Variants in RADIL observed in about 807,000 individuals in gnomAD.
RADIL encodes the protein Rap associating with DIL domain.
RADIL carries 99 observed loss-of-function variants against 97.6 expected under a neutral mutation model. The observed-to-expected ratio is 1.01, with a 90% confidence interval of 0.86 to 1.20. The LOEUF (loss-of-function observed/expected upper bound fraction) is 1.20, where lower values mean the gene tolerates loss of function less well. RADIL is among the 50% of genes most tolerant of loss of function. RADIL has a pLI of 0.00. For missense variants in RADIL, 1,765 were observed against 1,498.9 expected, an observed-to-expected ratio of 1.18 and a Z score of -2.93; for synonymous variants, 803 against 691.8, an observed-to-expected ratio of 1.16 and a Z score of -2.52.
chr7:4,873,852 C>T lies in RADIL; in HGVS notation c.535+3753G>A, dbSNP rs1048441454. ...GGGTGTTAGGAAAGCCTCCCCACCACGATTCTTCCACGTCACTCCAACCTG... is the reference window on the plus strand; with the variant it reads ...GGGTGTTAGGAAAGCCTCCCCACCATGATTCTTCCACGTCACTCCAACCTG... On this transcript the variant is annotated intron_variant, in intron 2 of 14. Coordinates refer to ENST00000399583, the MANE Select transcript of RADIL (RefSeq NM_018059.5). This position sits in a 1 kb window ranked among gnomAD's most constrained non-coding sequence, Gnocchi z 4.3. Among the ~76,000 whole-genome samples, 2 of 152,336 alleles carry T rather than the reference C, an allele frequency of 1.3e-5. No individual in the cohort carries two copies. The highest frequency in any genetic ancestry group is 4.8e-5 in the African/African-American group (2 of 41,584).
At chr7:4,828,982 G>A (rs1462622153) in intron 5 of RADIL, among the ~76,000 whole-genome samples, 2 of 152,170 alleles carry the variant, frequency 1.3e-5, no homozygotes, top group Admixed American at 6.5e-5. Context: ...GCACTTAGGA[G>A]GATGAGGGCT....
intron 2 of RADIL, among the ~76,000 whole-genome samples, chr7:4,838,837 C>T (rs1354727451): frequency 1.3e-5 from 2 of 152,264 alleles, no homozygotes; most frequent in African/African-American, 4.8e-5. Context: ...CCAATACTGG[C>T]ACAGCCGTGG....
chr7:4,804,955 G>A (rs556797249), intron 10 of RADIL, among the ~76,000 whole-genome samples: 6 of 151,240 alleles, frequency 4.0e-5, no homozygotes, highest in South Asian at 2.1e-4. Context: ...TTAGTTGGGC[G>A]TGGTGGCGGA....
At position 4,801,761 on chromosome 7, in the gene RADIL, G is replaced by T. The variant is rs1393212407; in HGVS notation, c.2734C>A (p.Pro912Thr). The T allele has an allele frequency of 1.2e-6, 2 of 1,610,620 alleles. No homozygotes were observed. ...LLTPPSTPLG[P>T]EPGDPDWPES... Reference sequence around the variant, plus strand: ...GGCCAGTCGGGGTCCCCAGGCTCAGGGCCAAGTGGAGTGCTGGGAGGCGTG... The same window carrying T: ...GGCCAGTCGGGGTCCCCAGGCTCAGTGCCAAGTGGAGTGCTGGGAGGCGTG... Residue 912 changes from proline (P) to threonine (T), a missense_variant, in exon 12 of 15, where the codon CCT (proline) becomes ACT (threonine). Transcript: ENST00000399583.
intron 2 of RADIL, among the ~76,000 whole-genome samples, chr7:4,855,439 G>C (rs1233231264): frequency 6.6e-6 from 1 of 151,970 alleles, no homozygotes; most frequent in African/African-American, 2.4e-5. Flanking sequence ...TGAGGGTGAA[G>C]ACCTACGAGG....
At chr7:4,860,522 T>C (rs1424034663) in intron 2 of RADIL, 3 of 1,614,078 alleles carry the variant, frequency 1.9e-6, no homozygotes, top group African/African-American at 1.3e-5. Flanking sequence ...TTCTTCCATA[T>C]CAGGATTTTC....
chr7:4,878,225 G>C lies in RADIL; in HGVS notation c.-64-22C>G. Reference sequence around the variant, plus strand: ...TGACCTGGGTGAAAAAGTGAGAGAGGTTAGCGCCAACCATCGTGACCACCA... The same window carrying C: ...TGACCTGGGTGAAAAAGTGAGAGAGCTTAGCGCCAACCATCGTGACCACCA... On this transcript the variant is annotated intron_variant, in intron 1 of 14. Coordinates refer to ENST00000399583, the MANE Select transcript of RADIL (RefSeq NM_018059.5). The surrounding 1 kb of genome is among the most constrained non-coding windows in gnomAD (Gnocchi z 4.1). 7.3e-7 allele frequency: 1 copy of C among 1,361,860 alleles called. No homozygotes were observed. Among genetic ancestry groups the C allele is most frequent in the Non-Finnish European group, 9.7e-7 (1 of 1,027,244 alleles). The allele number at this position is 1,361,860 out of a possible 1,614,324, so 84.4% of individuals were successfully genotyped here. A position where few individuals can be genotyped will look rare whatever the true frequency, so the allele number is the denominator to read the frequency against.
At chr7:4,875,542 C>T (rs1352681484) in intron 2 of RADIL, among the ~76,000 whole-genome samples, 2 of 152,212 alleles carry the variant, frequency 1.3e-5, no homozygotes, top group Non-Finnish European at 2.9e-5. Flanking sequence ...TGACACACAA[C>T]GCAATGGCCT....
chr7:4,874,642 G>T (rs1056596291), intron 2 of RADIL, among the ~76,000 whole-genome samples: 25 of 152,240 alleles, frequency 1.6e-4, no homozygotes, highest in Non-Finnish European at 3.2e-4. Flanking sequence ...GTGTCAGTAT[G>T]GCTGGGCAGC....
intron 5 of RADIL, among the ~76,000 whole-genome samples, chr7:4,826,744 AC>A (rs1271172909): frequency 2.7e-5 from 4 of 148,628 alleles, no homozygotes; most frequent in African/African-American, 7.6e-5. Context: ...AAAAAAAAAA[AC>A]AAAAAAAAAA....
At position 4,805,636 on chromosome 7, in the gene RADIL, C is replaced by T. The variant is rs753753150; in HGVS notation, c.2220G>A (p.Leu740=). 1.2e-6 allele frequency: 2 copies of T among 1,611,806 alleles called. No homozygotes were observed. The highest frequency in any genetic ancestry group is 1.7e-6 in the Non-Finnish European group (2 of 1,179,878). ...TGCTCATGGGGCCCATGGCCGAGGC[C>T]AGCTGGTAGTGAGTCAGCAGCCGGT... ...QLHRLLTHYQ[L]ASAMGPMSTW... is the part of the protein sequence containing the mutation. Residue 740 remains leucine, a synonymous_variant, in exon 10 of 15, where the codon CTG becomes CTA. Transcript: ENST00000399583.
intron 2 of RADIL, among the ~76,000 whole-genome samples, chr7:4,875,191 CCAACAA>C (rs145735931): frequency 0.05 from 5,494 of 109,962 alleles, 286 homozygotes; most frequent in South Asian, 0.081. Context: ...GACTCCATCT[CCAACAA>C]CAACAACAAC....
rs1011442850 is a variant in RADIL at position 4,797,995 on chromosome 7, A to G, written c.*1383T>C. 1 of 147,808 alleles carries G rather than the reference A, an allele frequency of 6.8e-6. No homozygotes were observed. The highest frequency in any genetic ancestry group is 1.5e-5 in the Non-Finnish European group (1 of 67,488). 9.2% of individuals were successfully genotyped at this position (147,808 alleles called of 1,614,324 possible). A position where few individuals can be genotyped will look rare whatever the true frequency, so the allele number is the denominator to read the frequency against. ...TCTCATAAAAAAAAATTAAATATTTATATTTTATATAATAAAATATAAAAA... is the reference window on the plus strand; with the variant it reads ...TCTCATAAAAAAAAATTAAATATTTGTATTTTATATAATAAAATATAAAAA... On this transcript the variant is annotated 3_prime_UTR_variant, in exon 15 of 15. Coordinates refer to ENST00000399583, the MANE Select transcript of RADIL (RefSeq NM_018059.5).
At chr7:4,830,213 G>A (rs919910742) in intron 5 of RADIL, among the ~76,000 whole-genome samples, 4 of 152,230 alleles carry the variant, frequency 2.6e-5, no homozygotes, top group Non-Finnish European at 4.4e-5. Flanking sequence ...GGATTCAGCT[G>A]CACTGAGAGA....
At chr7:4,833,683 G>A (rs145936768) in intron 4 of RADIL, among the ~76,000 whole-genome samples, 2,470 of 152,288 alleles carry the variant, frequency 0.016, 35 homozygotes, top group Non-Finnish European at 0.022. Flanking sequence ...CCTGTCTGCC[G>A]GGGATAAGCG....
In RADIL at chr7:4,843,003, A is replaced by ATT. The variant is rs376252570; in HGVS notation, c.536-6400_536-6399dup. Among the ~76,000 whole-genome samples the ATT allele has an allele frequency of 1.5e-3, 185 of 127,308 alleles. 2 individuals carry two copies. The highest frequency in any genetic ancestry group is 5.9e-3 in the East Asian group (25 of 4,230). The allele number at this position is 127,308 out of a possible 152,430, so 83.5% of individuals were successfully genotyped here. On this transcript the variant is annotated intron_variant, in intron 2 of 14. Coordinates refer to ENST00000399583, the MANE Select transcript of RADIL (RefSeq NM_018059.5). ...GCACCCCCATGCCCGGCAAGAGACA[A>ATT]TTTTTTTTTTTTTTTTTTTTTGAGA... is the stretch of plus-strand genomic sequence containing the variant.
rs1782741561 is a variant in RADIL at position 4,818,640 on chromosome 7, C to T, written c.1616-1289G>A. On this transcript the variant is annotated intron_variant, in intron 6 of 14. Transcript: ENST00000399583. The surrounding 1 kb of genome is among the most constrained non-coding windows in gnomAD (Gnocchi z 7.1). ...ACACACAAGGTGGCCCGACGGCGCCCACAGCGAGTGCCGGCAAAGGATATT... is the reference window on the plus strand; with the variant it reads ...ACACACAAGGTGGCCCGACGGCGCCTACAGCGAGTGCCGGCAAAGGATATT... Among the ~76,000 whole-genome samples the T allele has an allele frequency of 6.6e-6, 1 of 152,202 alleles. No individual in the cohort carries two copies. The highest frequency in any genetic ancestry group is 1.5e-5 in the Non-Finnish European group (1 of 68,042).
chr7:4,801,675 G>A lies in RADIL; in HGVS notation c.2820C>T (p.Gly940=), dbSNP rs562747441. The part of the protein sequence containing the change: ...LPERQRNGLS[G]LRGAAPEGDS... ...CACCTTCCGGAGCTGCACCCCGGAG[G>A]CCGCTGAGTCCGTTCCTCTGCCTCT... Residue 940 remains glycine (G), a synonymous_variant, in exon 12 of 15, where the codon GGC becomes GGT. Coordinates refer to ENST00000399583, the MANE Select transcript of RADIL (RefSeq NM_018059.5). The A allele has an allele frequency of 6.2e-7, 1 of 1,603,496 alleles. No individual in the cohort carries two copies. Among genetic ancestry groups the A allele is most frequent in the South Asian group, 1.1e-5 (1 of 89,638 alleles).
At chr7:4,850,664 C>T (rs993356069) in intron 2 of RADIL, among the ~76,000 whole-genome samples, 32 of 152,110 alleles carry the variant, frequency 2.1e-4, no homozygotes, top group African/African-American at 7.7e-4. Flanking sequence ...CAGAGAGAGA[C>T]AAGGGGAGAG....
Sources: allele counts gnomAD v4.1 joint callset (sites outside exome capture counted in the v4.1 genomes callset), GRCh38; gene constraint gnomAD v4.1.1; non-coding constraint Gnocchi (gnomAD v3.1); transcripts MANE v1.5; gene names NCBI Gene and HGNC (gene_info 2026-07-23, HGNC 2026-07-21).